Variants in KCNS1 observed in about 807,000 individuals in gnomAD.
KCNS1 encodes potassium voltage-gated channel modifier subfamily S member 1, also known as delayed-rectifier potassium channel regulatory subunit KCNS1.
KCNS1 carries 26 observed loss-of-function variants against 33.1 expected under a neutral mutation model. That is an observed-to-expected ratio of 0.79 (90% CI 0.58 to 1.09). The LOEUF is 1.09. Ranked by LOEUF, KCNS1 falls within the 50% of genes least tolerant of loss-of-function variation. The pLI, the probability that KCNS1 is intolerant of heterozygous loss-of-function variation, is 0.00. For synonymous variants in KCNS1, 299 were observed against 338.8 expected (o/e 0.88, Z 1.29); for missense variants, 702 against 752.4 (o/e 0.93, Z 0.78).
intron 1 of KCNS1, among the ~76,000 whole-genome samples, chr20:45,100,622 C>T (rs1261539514): frequency 6.6e-6 from 1 of 152,210 alleles, no homozygotes; most frequent in East Asian, 1.9e-4. Context: ...TCTCCACACA[C>T]TTATTTTGAG....
At position 45,099,152 on chromosome 20, in the gene KCNS1, A is replaced by T; in HGVS notation, c.76+9T>A. On this transcript the variant is annotated intron_variant, in intron 2 of 3. Transcript: ENST00000537075. ...GTTTCTTCTGCAAAATGAGGATAGT[A>T]ACACTTACCTCCTAGGGGTGTTGGC... 1 of 1,551,060 alleles carries T rather than the reference A, an allele frequency of 6.4e-7. No homozygotes were observed. Among genetic ancestry groups the T allele is most frequent in the Non-Finnish European group, 8.7e-7 (1 of 1,146,684 alleles).
At position 45,093,186 on chromosome 20, in the gene KCNS1, GACT is replaced by G. The variant is rs1981057253; in HGVS notation, c.*1681_*1683del. 1 of 152,102 alleles carries G rather than the reference GACT, an allele frequency of 6.6e-6. No homozygotes were observed. The highest frequency in any genetic ancestry group is 2.1e-4 in the South Asian group (1 of 4,824). 9.4% of individuals were successfully genotyped at this position (152,102 alleles called of 1,614,324 possible). On this transcript the variant is annotated 3_prime_UTR_variant, in exon 4 of 4. Coordinates refer to ENST00000537075, the MANE Select transcript of KCNS1 (RefSeq NM_001322799.2). ...TTAAAATATAATAAAAACACTGTTG[GACT>G]AAGCCGAAACATGACTGCAGGCCAC...
rs1371908538 is a variant in KCNS1, at chr20:45,098,500, A to G, written c.272T>C (p.Leu91Pro). Residue 91 changes from leucine (L) to proline (P), a missense_variant, in exon 3 of 4, where the codon CTG becomes CCG. By Grantham distance (98) the Leu-to-Pro change is moderately conservative. Transcript: ENST00000537075. The surrounding 1 kb of genome is among the most constrained non-coding windows in gnomAD (Gnocchi z 5.2). ...AAASEEQARR[L>P]CDDYDEAARE... Reference sequence around the variant, plus strand: ...CGCCGCCTCGTCGTAGTCGTCGCACAGGCGCCGCGCCTGCTCCTCCGACGC... The same window carrying G: ...CGCCGCCTCGTCGTAGTCGTCGCACGGGCGCCGCGCCTGCTCCTCCGACGC... 3.9e-6 allele frequency: 6 copies of G among 1,543,722 alleles called. No individual in the cohort carries two copies. Among genetic ancestry groups the G allele is most frequent in the East Asian group, 5.0e-5 (2 of 39,924 alleles).
Position 45,094,898 on chromosome 20 carries a change from C to G in KCNS1, c.1553G>C (p.Ser518Thr), listed in dbSNP as rs1981124550. The change falls in exon 4 of 4, where the codon AGT becomes ACT. Residue 518 changes from serine to threonine, a missense_variant. By Grantham distance (58) the Ser-to-Thr change is moderately conservative. Transcript: ENST00000537075. ...ATACATCTGAGGGTGTGGAGGCTCACTGGGGGCCTGGCTCTCTAGATCTGC... is the reference window on the plus strand; with the variant it reads ...ATACATCTGAGGGTGTGGAGGCTCAGTGGGGGCCTGGCTCTCTAGATCTGC... ...QSADLESQAP[S>T]EPPHPQMY 10 of 1,613,270 alleles carry G rather than the reference C, an allele frequency of 6.2e-6. No homozygotes were observed. The highest frequency in any genetic ancestry group is 7.6e-6 in the Non-Finnish European group (9 of 1,179,510).
rs1166947614 is a variant in KCNS1 at position 45,097,678 on chromosome 20, A to G, written c.1094T>C (p.Leu365Pro). 1.2e-6 allele frequency: 2 copies of G among 1,606,096 alleles called. No individual in the cohort carries two copies. The highest frequency in any genetic ancestry group is 1.7e-6 in the Non-Finnish European group (2 of 1,179,368). The change falls in exon 3 of 4, where the codon CTG (leucine) becomes CCG (proline). Residue 365 changes from leucine (L) to proline (P), a missense_variant. By Grantham distance (98) the Leu-to-Pro change is moderately conservative. Coordinates refer to ENST00000537075, the MANE Select transcript of KCNS1 (RefSeq NM_001322799.2). Reference protein sequence around the residue: ...LARHSTGLRSLGATLKHSYRE... With the variant: ...LARHSTGLRSPGATLKHSYRE... The stretch of plus-strand genomic sequence containing the variant: ...AGGCCGTACCTTGAGCGTGGCTCCC[A>G]GCGAGCGCAGCCCGGTGGAATGGCG...
At chr20:45,099,131 C>G (rs1402285636) in intron 2 of KCNS1, 30 bp downstream of exon 2, 1 of 1,550,012 alleles carries the variant, frequency 6.5e-7, no homozygotes, top group Non-Finnish European at 8.7e-7. Flanking sequence ...GAACCTGTTT[C>G]TTCTGCAAAA....
chr20:45,092,961 C>T lies in KCNS1; in HGVS notation c.*1909G>A, dbSNP rs559060767. ...ATTAGAGTCTATCTTCCCTACTAGTCGGTAAGCTTCATGAGTATAGGGATA... is the reference window on the plus strand; with the variant it reads ...ATTAGAGTCTATCTTCCCTACTAGTTGGTAAGCTTCATGAGTATAGGGATA... On this transcript the variant is annotated 3_prime_UTR_variant, in exon 4 of 4. Transcript: ENST00000537075. 4 of 151,950 alleles carry T rather than the reference C, an allele frequency of 2.6e-5. No individual in the cohort carries two copies. The highest frequency in any genetic ancestry group is 4.4e-5 in the Non-Finnish European group (3 of 68,014). The allele number at this position is 151,950 out of a possible 1,614,324, so 9.4% of individuals were successfully genotyped here.
chr20:45,091,922 C>T lies in KCNS1; in HGVS notation c.*2948G>A, dbSNP rs201941536. The stretch of plus-strand genomic sequence containing the variant: ...CATCTTGATTTTGGATTTCTGGCCT[C>T]CAGAACTGTCAGAGAATACACTTCT... On this transcript the variant is annotated 3_prime_UTR_variant, in exon 4 of 4. Coordinates refer to ENST00000537075, the MANE Select transcript of KCNS1 (RefSeq NM_001322799.2). Among the ~76,000 whole-genome samples the T allele has an allele frequency of 6.6e-6, 1 of 152,130 alleles. No individual in the cohort carries two copies. Among genetic ancestry groups the T allele is most frequent in the East Asian group, 1.9e-4 (1 of 5,170 alleles).
intron 3 of KCNS1, among the ~76,000 whole-genome samples, chr20:45,096,611 G>A (rs1368250004): frequency 6.6e-6 from 1 of 152,164 alleles, no homozygotes; most frequent in African/African-American, 2.4e-5. Flanking sequence ...GGAGCTTTAG[G>A]AGAAAGAACA....
At position 45,094,474 on chromosome 20, in the gene KCNS1, C is replaced by A. The variant is rs528972257; in HGVS notation, c.*396G>T. 1 of 169,598 alleles carries A rather than the reference C, an allele frequency of 5.9e-6. No individual in the cohort carries two copies. The highest frequency in any genetic ancestry group is 1.7e-4 in the East Asian group (1 of 5,918). 10.5% of individuals were successfully genotyped at this position (169,598 alleles called of 1,614,324 possible). A position where few individuals can be genotyped will look rare whatever the true frequency, so the allele number is the denominator to read the frequency against. The stretch of plus-strand genomic sequence containing the variant: ...ACTCTGCCACTTCTAATTGTGACAT[C>A]TGGGAGAGGCATCGCTCATCTCTTA... On this transcript the variant is annotated 3_prime_UTR_variant, in exon 4 of 4. Coordinates refer to ENST00000537075, the MANE Select transcript of KCNS1 (RefSeq NM_001322799.2).
intron 1 of KCNS1, among the ~76,000 whole-genome samples, chr20:45,099,901 G>C (rs1981337854): frequency 6.6e-6 from 1 of 151,540 alleles, no homozygotes; most frequent in Non-Finnish European, 1.5e-5. Flanking sequence ...GCCTAGACTA[G>C]GGATTAAGTG....
rs1360315033 is a variant in KCNS1 at position 45,098,424 on chromosome 20, G to A, written c.348C>T (p.His116=). The A allele has an allele frequency of 6.3e-7, 1 of 1,597,022 alleles. No homozygotes were observed. The highest frequency in any genetic ancestry group is 8.5e-7 in the Non-Finnish European group (1 of 1,172,348). ...CGTGCAGGTGGCCAGTGCGGTAGAA[G>A]TGCAGCAGGCTCAGGAAGAAGCCCG... ...RHPGFFLSLL[H]FYRTGHLHVL... The change falls in exon 3 of 4, where the codon CAC becomes CAT. Residue 116 remains histidine, a synonymous_variant. Transcript: ENST00000537075. The surrounding 1 kb of genome is among the most constrained non-coding windows in gnomAD (Gnocchi z 5.2).
rs1981372763 is a variant in KCNS1, at chr20:45,100,992, C to T, written c.-75G>A. Reference sequence around the variant, plus strand: ...CCGAGGCTGGGAGCCGCTGGCTATACTCGGTCTCGCCTCTGCCCCGCCGGC... The same window carrying T: ...CCGAGGCTGGGAGCCGCTGGCTATATTCGGTCTCGCCTCTGCCCCGCCGGC... On this transcript the variant is annotated 5_prime_UTR_variant, in exon 1 of 4. Transcript: ENST00000537075. The T allele has an allele frequency of 6.5e-6, 1 of 152,800 alleles. No individual in the cohort carries two copies. The highest frequency in any genetic ancestry group is 1.5e-5 in the Non-Finnish European group (1 of 68,412). The allele number at this position is 152,800 out of a possible 1,614,324, so 9.5% of individuals were successfully genotyped here. A position where few individuals can be genotyped will look rare whatever the true frequency, so the allele number is the denominator to read the frequency against.
chr20:45,098,938 A>T lies in KCNS1; in HGVS notation c.76+223T>A, dbSNP rs890687639. Among the ~76,000 whole-genome samples the T allele has an allele frequency of 6.6e-6, 1 of 151,730 alleles. No homozygotes were observed. The highest frequency in any genetic ancestry group is 2.4e-5 in the African/African-American group (1 of 41,242). ...CAAATCACTGACCCACCCCACCCCC[A>T]TTTCATTTTTCTCCTTTGGAAAGTA... On this transcript the variant is annotated intron_variant, in intron 2 of 3. Transcript: ENST00000537075. The surrounding 1 kb of genome is among the most constrained non-coding windows in gnomAD (Gnocchi z 5.2).
At chr20:45,096,467 C>T (rs904445922) in intron 3 of KCNS1, among the ~76,000 whole-genome samples, 9 of 152,132 alleles carry the variant, frequency 5.9e-5, no homozygotes, top group Non-Finnish European at 1.3e-4. Context: ...TTATACCTGC[C>T]CACTGCCCTA....
In KCNS1 at chr20:45,093,521, A is replaced by C. The variant is rs898601746; in HGVS notation, c.*1349T>G. On this transcript the variant is annotated 3_prime_UTR_variant, in exon 4 of 4. Transcript: ENST00000537075. ...CAAGCAGACAATGTCTTCCATCTTG[A>C]GGCTCAGGGTGATGGGACAGAGATA... 6.6e-6 allele frequency: 1 copy of C among 152,230 alleles called. No homozygotes were observed. The highest frequency in any genetic ancestry group is 6.5e-5 in the Admixed American group (1 of 15,280). 9.4% of individuals were successfully genotyped at this position (152,230 alleles called of 1,614,324 possible). A position where few individuals can be genotyped will look rare whatever the true frequency, so the allele number is the denominator to read the frequency against.
chr20:45,095,631 A>G (rs986766553), intron 3 of KCNS1, among the ~76,000 whole-genome samples: 4 of 152,232 alleles, frequency 2.6e-5, no homozygotes, highest in African/African-American at 9.6e-5. Flanking sequence ...CAGCCAGGGA[A>G]TGAAGAGCTT....
Position 45,098,670 on chromosome 20 carries a change from G to A in KCNS1, c.102C>T (p.Ser34=). 1 of 1,447,250 alleles carries A rather than the reference G, an allele frequency of 6.9e-7. No homozygotes were observed. 89.7% of individuals were successfully genotyped at this position (1,447,250 alleles called of 1,614,324 possible). A position where few individuals can be genotyped will look rare whatever the true frequency, so the allele number is the denominator to read the frequency against. Residue 34 remains serine, a synonymous_variant, in exon 3 of 4, where the codon AGC becomes AGT. Coordinates refer to ENST00000537075, the MANE Select transcript of KCNS1 (RefSeq NM_001322799.2). This position sits in a 1 kb window ranked among gnomAD's most constrained non-coding sequence, Gnocchi z 5.2. ...TCCCGGTGTCGGGGCCCGGGAACTC[G>A]CTCACAAAGGTTTCAGTGCTCCTCC... is the stretch of plus-strand genomic sequence containing the variant. The part of the protein sequence containing the change: ...LGGRSTETFV[S]EFPGPDTGIR...
rs1466639206 is a variant in KCNS1 at position 45,093,873 on chromosome 20, C to T, written c.*997G>A. On this transcript the variant is annotated 3_prime_UTR_variant, in exon 4 of 4. Coordinates refer to ENST00000537075, the MANE Select transcript of KCNS1 (RefSeq NM_001322799.2). ...TATTCATATATGTCAGCCCTCTGAACATTTCAGAGCTGAGCTGGCTTTAAG... is the reference window on the plus strand; with the variant it reads ...TATTCATATATGTCAGCCCTCTGAATATTTCAGAGCTGAGCTGGCTTTAAG... 1 of 152,202 alleles carries T rather than the reference C, an allele frequency of 6.6e-6. No homozygotes were observed. Among genetic ancestry groups the T allele is most frequent in the Admixed American group, 6.5e-5 (1 of 15,280 alleles). The allele number at this position is 152,202 out of a possible 1,614,324, so 9.4% of individuals were successfully genotyped here.
Sources: allele counts gnomAD v4.1 joint callset (sites outside exome capture counted in the v4.1 genomes callset), GRCh38; gene constraint gnomAD v4.1.1; non-coding constraint Gnocchi (gnomAD v3.1); transcripts MANE v1.5; gene names NCBI Gene and HGNC (gene_info 2026-07-23, HGNC 2026-07-21).